RNF17: variants seen among roughly 807,000 people sequenced by gnomAD.
RNF17 encodes spermatogenesis associated 23.
In RNF17, 31 loss-of-function variants were observed where a neutral mutation model predicts 200.5. The observed-to-expected ratio is 0.15, with a 90% CI of 0.12 to 0.21. RNF17 has a LOEUF of 0.21. Ranked by LOEUF, RNF17 falls within the 10% of genes least tolerant of loss-of-function variation. The pLI is 1.00. For synonymous variants in RNF17, 606 were observed against 637.8 expected (o/e 0.95, Z 0.75); for missense variants, 1,628 against 1,905.1 (o/e 0.85, Z 2.71).
chr13:24,794,306 C>T (rs1306650763), intron 10 of RNF17: 2 of 433,088 alleles, frequency 4.6e-6, no homozygotes, highest in Admixed American at 5.5e-5. Flanking sequence ...GTAAGTAGCT[C>T]TTACCTAGTG....
At chr13:24,756,920 G>T in the RNF17 span, among the ~76,000 whole-genome samples, 9 of 152,228 alleles carry the variant, frequency 5.9e-5, no homozygotes, top group African/African-American at 7.2e-5. Flanking sequence ...ACAAGGACTT[G>T]GAAGACACAT....
At chr13:24,874,076 A>G (rs367697126) in intron 32 of RNF17, 38 bp from the exon 33 acceptor site, 2 of 1,598,754 alleles carry the variant, frequency 1.3e-6, no homozygotes, top group Non-Finnish European at 1.7e-6. Flanking sequence ...AATTTAATGA[A>G]AGACAATATG....
intron 26 of RNF17, among the ~76,000 whole-genome samples, chr13:24,860,112 GT>G (rs1447778107): frequency 6.6e-6 from 1 of 151,524 alleles, no homozygotes; most frequent in African/African-American, 2.4e-5. Context: ...CATCTGGATA[GT>G]TATAGGGGTT....
intron 6 of RNF17, among the ~76,000 whole-genome samples, chr13:24,785,187 C>T (rs1293599175): frequency 2.4e-5 from 3 of 125,156 alleles, no homozygotes; most frequent in Non-Finnish European, 5.2e-5. Flanking sequence ...TGTTCATTTG[C>T]GAGCTCCTTT....
chr13:24,887,055 T>C, the RNF17 span, among the ~76,000 whole-genome samples: 1 of 151,970 alleles, frequency 6.6e-6, no homozygotes, highest in Non-Finnish European at 1.5e-5. Context: ...CAGTGGAAGC[T>C]AGGGAATACA....
At chr13:24,841,965 C>G in intron 18 of RNF17, 76 bp from the exon 19 acceptor site, 2 of 1,350,934 alleles carry the variant, frequency 1.5e-6, no homozygotes, top group South Asian at 2.7e-5. Context: ...GACTCTGTCT[C>G]CAAAAAAAAA....
At chr13:24,859,218 A>G in intron 26 of RNF17, 54 bp downstream of exon 26, 1 of 1,335,188 alleles carries the variant, frequency 7.5e-7, no homozygotes, top group Non-Finnish European at 1.0e-6. Context: ...ATAGCATTAA[A>G]TAGTCTTGTG....
rs751340022 is a variant in RNF17 at position 24,842,123 on chromosome 13, C to T, written c.2565C>T (p.Asp855=). ...AAATGACTACTACTAGTATTAATGA[C>T]CAGCTAGTTAAAGAGGGCCTAGCAT... ...APEMTTTSIN[D]QLVKEGLASY... is the part of the protein sequence containing the mutation. The change falls in exon 19 of 36, where the codon GAC becomes GAT. Residue 855 remains aspartate, a synonymous_variant. Coordinates refer to ENST00000255324, the MANE Select transcript of RNF17 (RefSeq NM_031277.3). 3.1e-6 allele frequency: 5 copies of T among 1,609,084 alleles called. No homozygotes were observed. In the South Asian group the frequency reaches 3.3e-5, roughly 11 times the overall value.
chr13:24,793,945 A>G (rs1184487493), intron 10 of RNF17, among the ~76,000 whole-genome samples: 1 of 152,182 alleles, frequency 6.6e-6, no homozygotes, highest in Non-Finnish European at 1.5e-5. Context: ...TTGACTCTCC[A>G]GAATTGCATT....
chr13:24,784,862 C>T (rs930470595), intron 6 of RNF17, among the ~76,000 whole-genome samples: 6 of 151,888 alleles, frequency 4.0e-5, no homozygotes, highest in Admixed American at 2.0e-4. Flanking sequence ...ACCTGCCACC[C>T]GCCCAGCTAA....
chr13:24,845,114 A>T (rs1368692729), intron 22 of RNF17, 35 bp downstream of exon 22: 2 of 971,224 alleles, frequency 2.1e-6, no homozygotes, highest in Non-Finnish European at 3.2e-6. Flanking sequence ...TCATTATTTT[A>T]AATATTTTTA....
chr13:24,842,575 A>G (rs1473375009), intron 19 of RNF17, among the ~76,000 whole-genome samples: 1 of 152,218 alleles, frequency 6.6e-6, no homozygotes, highest in Non-Finnish European at 1.5e-5. Context: ...GATACTTTGA[A>G]TGATAACCAG....
At chr13:24,788,664 C>G in intron 7 of RNF17, among the ~76,000 whole-genome samples, 1 of 152,134 alleles carries the variant, frequency 6.6e-6, no homozygotes, top group Non-Finnish European at 1.5e-5. Context: ...TCAGCCATCT[C>G]CTATCATCTA....
chr13:24,786,829 T>G (rs1414490758), intron 6 of RNF17, among the ~76,000 whole-genome samples: 2 of 152,188 alleles, frequency 1.3e-5, no homozygotes, highest in African/African-American at 4.8e-5. Flanking sequence ...TGGAGTTCCT[T>G]GAGCTCTTAG....
intron 15 of RNF17, among the ~76,000 whole-genome samples, chr13:24,806,325 C>A (rs886525241): frequency 6.6e-6 from 1 of 152,140 alleles, no homozygotes; most frequent in East Asian, 1.9e-4. Context: ...AATAAACATA[C>A]GTGTGTAAGT....
the RNF17 span, among the ~76,000 whole-genome samples, chr13:24,756,277 T>G: frequency 6.1e-3 from 932 of 152,272 alleles, 11 homozygotes; most frequent in Non-Finnish European, 9.4e-3. Context: ...AAGTAATATA[T>G]GAATATATAA....
At chr13:24,848,835 A>G (rs1891536219) in intron 22 of RNF17, among the ~76,000 whole-genome samples, 1 of 152,210 alleles carries the variant, frequency 6.6e-6, no homozygotes, top group Non-Finnish European at 1.5e-5. Context: ...ATTGACTTAT[A>G]TTTATATACC....
intron 14 of RNF17, among the ~76,000 whole-genome samples, chr13:24,803,227 A>C (rs1885465690): frequency 6.6e-6 from 1 of 152,208 alleles, no homozygotes; most frequent in Admixed American, 6.5e-5. Context: ...CTTTGGAATG[A>C]GTTCATGATC....
chr13:24,881,894 A>C (rs867940743), downstream of RNF17, among the ~76,000 whole-genome samples: 101 of 100,648 alleles, frequency 1.0e-3, 5 homozygotes, highest in East Asian at 0.01. Flanking sequence ...ATATAGATAC[A>C]TCTATATAGA....
Sources: allele counts gnomAD v4.1 joint callset (sites outside exome capture counted in the v4.1 genomes callset), GRCh38; gene constraint gnomAD v4.1.1; transcripts MANE v1.5; gene names NCBI Gene and HGNC (gene_info 2026-07-23, HGNC 2026-07-21).